The following SLC22A4 variants were observed in gnomAD, a reference collection of about 807,000 sequenced individuals.
SLC22A4 encodes the protein ET transporter.
A neutral mutation model predicts 56.6 loss-of-function variants in SLC22A4; 39 were observed. The observed-to-expected ratio is 0.69, with a 90% confidence interval of 0.53 to 0.90. SLC22A4 has a LOEUF of 0.90. SLC22A4 is among the 40% of genes least tolerant of loss of function. The pLI is 0.00. For missense variants in SLC22A4, 594 were observed against 696.5 expected, an observed-to-expected ratio of 0.85 and a Z score of 1.66; for synonymous variants, 241 against 281.4, an observed-to-expected ratio of 0.86 and a Z score of 1.44.
intron 9 of SLC22A4, among the ~76,000 whole-genome samples, chr5:132,341,343 G>A (rs113636746): frequency 1.8e-4 from 27 of 151,022 alleles, no homozygotes; most frequent in African/African-American, 4.6e-4. Context: ...GCTTGAACCC[G>A]GGAGGTGGAG....
At chr5:132,313,915 C>A in intron 3 of SLC22A4, 147 bp downstream of exon 3, 1 of 883,806 alleles carries the variant, frequency 1.1e-6, no homozygotes, top group Non-Finnish European at 1.8e-6. Context: ...GCTCTTGGAG[C>A]AAGTCAGGGG....
chr5:132,323,156 T>C (rs1331813881), intron 4 of SLC22A4, among the ~76,000 whole-genome samples: 3 of 152,232 alleles, frequency 2.0e-5, no homozygotes, highest in East Asian at 3.8e-4. Context: ...TAATTCTTCT[T>C]TGTTTGATTT....
chr5:132,337,018 T>C (rs1008196354), intron 8 of SLC22A4, among the ~76,000 whole-genome samples: 3 of 152,220 alleles, frequency 2.0e-5, no homozygotes, highest in Non-Finnish European at 4.4e-5. Context: ...ATGTAGGTCA[T>C]TTCCAGGTTT....
At chr5:132,298,670 G>A (rs1405115170) in intron 1 of SLC22A4, among the ~76,000 whole-genome samples, 1 of 152,204 alleles carries the variant, frequency 6.6e-6, no homozygotes, top group Non-Finnish European at 1.5e-5. Context: ...TGAGTTGTTG[G>A]GAGGACTCAG....
chr5:132,336,457 G>C (rs1352530363), intron 8 of SLC22A4, among the ~76,000 whole-genome samples: 1 of 152,180 alleles, frequency 6.6e-6, no homozygotes, highest in Non-Finnish European at 1.5e-5. Flanking sequence ...CCAGGAGGCA[G>C]AGGCTGCAGT....
Position 132,313,736 on chromosome 5 carries a change from A to G in SLC22A4, c.620A>G (p.Gln207Arg), listed in dbSNP as rs1470613805. The change falls in exon 3 of 10, where the codon CAG becomes CGG. Residue 207 changes from glutamine to arginine, a missense_variant. Transcript: ENST00000200652. ...TTATTTGTCATCGTGGGCATGGGCC[A>G]GATCTCCAACTATGTGGTAGCCTTC... ...TVLFVIVGMG[Q>R]ISNYVVAFIL... The G allele has an allele frequency of 6.2e-7, 1 of 1,614,124 alleles. No homozygotes were observed. Among genetic ancestry groups the G allele is most frequent in the Non-Finnish European group, 8.5e-7 (1 of 1,180,052 alleles).
At chr5:132,333,996 AC>A (rs1750942578) in intron 6 of SLC22A4, among the ~76,000 whole-genome samples, 1 of 152,042 alleles carries the variant, frequency 6.6e-6, no homozygotes, top group African/African-American at 2.4e-5. Flanking sequence ...TTAAGTAGAG[AC>A]GGGGTTTCAC....
chr5:132,313,400 G>T (rs1400493388), intron 2 of SLC22A4, among the ~76,000 whole-genome samples: 1 of 152,212 alleles, frequency 6.6e-6, no homozygotes, highest in East Asian at 1.9e-4. Context: ...GAGACATGGT[G>T]TCTCCACAGG....
intron 4 of SLC22A4, among the ~76,000 whole-genome samples, chr5:132,326,512 T>C (rs1015419375): frequency 4.1e-4 from 63 of 152,060 alleles, no homozygotes; most frequent in African/African-American, 1.5e-3. Flanking sequence ...GTACTGACAA[T>C]AGGTAAGGAA....
At chr5:132,328,483 A>G (rs1187551211) in intron 5 of SLC22A4, among the ~76,000 whole-genome samples, 1 of 152,162 alleles carries the variant, frequency 6.6e-6, no homozygotes, top group Non-Finnish European at 1.5e-5. Context: ...CATGAACTCA[A>G]GCTCTCAGAG....
chr5:132,334,582 AATTT>A, intron 6 of SLC22A4, 132 bp from the exon 7 acceptor site: 1 of 760,440 alleles, frequency 1.3e-6, no homozygotes, highest in Non-Finnish European at 2.4e-6. Context: ...ATTTAATTTT[AATTT>A]ATTCAAATTT....
At chr5:132,321,633 C>T (rs1750541210) in intron 3 of SLC22A4, among the ~76,000 whole-genome samples, 1 of 152,072 alleles carries the variant, frequency 6.6e-6, no homozygotes, top group African/African-American at 2.4e-5. Context: ...GTTGGCCAGG[C>T]GCGGTGGCTC....
intron 5 of SLC22A4, among the ~76,000 whole-genome samples, chr5:132,328,912 T>TAC (rs1323547342): frequency 2.8e-5 from 2 of 70,936 alleles, no homozygotes; most frequent in Non-Finnish European, 5.5e-5. Context: ...TGTATATATA[T>TAC]ATATATATAT....
chr5:132,343,097 T>A (rs1381352323), intron 9 of SLC22A4, among the ~76,000 whole-genome samples: 2 of 152,180 alleles, frequency 1.3e-5, no homozygotes, highest in Non-Finnish European at 2.9e-5. Context: ...CCAGAAATTA[T>A]AAGAGATTTA....
intron 3 of SLC22A4, among the ~76,000 whole-genome samples, chr5:132,319,159 G>C (rs961295886): frequency 6.6e-6 from 1 of 152,112 alleles, no homozygotes; most frequent in Admixed American, 6.5e-5. Context: ...AAAATTAGCC[G>C]GGCATGGTGG....
chr5:132,336,429 TAGG>T (rs777191529), intron 8 of SLC22A4, among the ~76,000 whole-genome samples: 3 of 151,966 alleles, frequency 2.0e-5, no homozygotes, highest in African/African-American at 7.3e-5. Flanking sequence ...GAGGCTGAGG[TAGG>T]AGAATTGCTT....
chr5:132,299,652 C>A (rs1468658046), intron 1 of SLC22A4, among the ~76,000 whole-genome samples: 1 of 152,040 alleles, frequency 6.6e-6, no homozygotes, highest in East Asian at 1.9e-4. Flanking sequence ...CAGGGTTTCA[C>A]CATGTTGGCC....
At chr5:132,337,603 C>A (rs890257104) in intron 8 of SLC22A4, among the ~76,000 whole-genome samples, 6 of 151,586 alleles carry the variant, frequency 4.0e-5, no homozygotes, top group African/African-American at 1.5e-4. Context: ...CATTGGTTAT[C>A]TGTTATGTGA....
chr5:132,304,050 A>G (rs1315165790), intron 1 of SLC22A4, among the ~76,000 whole-genome samples: 1 of 152,242 alleles, frequency 6.6e-6, no homozygotes, highest in Non-Finnish European at 1.5e-5. Context: ...AGAGCAACAA[A>G]TGAACCCATA....
Sources: gnomAD v4.1 joint callset for allele counts (sites outside exome capture counted in the v4.1 genomes callset) on GRCh38, gnomAD v4.1.1 for gene constraint, MANE v1.5 for transcripts, NCBI Gene and HGNC (gene_info 2026-07-23, HGNC 2026-07-21) for gene names.